Variants in RPS6KC1 observed in about 807,000 individuals in gnomAD.
RPS6KC1 encodes the protein ribosomal protein S6 kinase C1, also known as inactive ribosomal protein S6 kinase delta-1.
In RPS6KC1, 54 loss-of-function variants were observed where a neutral mutation model predicts 103.8. That is an observed-to-expected ratio of 0.52 (90% CI 0.42 to 0.65). RPS6KC1 has a LOEUF of 0.65. Among genes scored for constraint, RPS6KC1 ranks in the 30% least tolerant of loss-of-function variants. The pLI, the probability that RPS6KC1 is intolerant of heterozygous loss-of-function variation, is 0.00. For missense variants in RPS6KC1, 1,151 were observed against 1,253.8 expected, an observed-to-expected ratio of 0.92 and a Z score of 1.24; for synonymous variants, 439 against 438.7, an observed-to-expected ratio of 1.00 and a Z score of -0.01.
chr1:213,634,911 A>G, the RPS6KC1 span, among the ~76,000 whole-genome samples: 2 of 152,242 alleles, frequency 1.3e-5, no homozygotes, highest in East Asian at 3.9e-4. Context: ...GAAGAATCAA[A>G]TAGACACAAT....
the RPS6KC1 span, among the ~76,000 whole-genome samples, chr1:213,800,717 G>A: frequency 6.6e-6 from 1 of 152,134 alleles, no homozygotes. Flanking sequence ...CTCTTTCTTA[G>A]CAGACATTAA....
At chr1:213,103,658 A>G (rs1405686413) in intron 3 of RPS6KC1, among the ~76,000 whole-genome samples, 1 of 152,010 alleles carries the variant, frequency 6.6e-6, no homozygotes, top group African/African-American at 2.4e-5. Flanking sequence ...TTCTGTTAAT[A>G]CTCTGCAAAG....
At chr1:213,448,270 A>G in the RPS6KC1 span, among the ~76,000 whole-genome samples, 1 of 151,256 alleles carries the variant, frequency 6.6e-6, no homozygotes, top group Admixed American at 6.6e-5. Context: ...AAAAGAAACT[A>G]TTTGTGGTGG....
chr1:213,249,510 G>A (rs957780628), intron 12 of RPS6KC1, among the ~76,000 whole-genome samples: 44 of 152,260 alleles, frequency 2.9e-4, no homozygotes, highest in African/African-American at 1.0e-3. Context: ...GCCTAACACA[G>A]CAGCAGAGCG....
the RPS6KC1 span, among the ~76,000 whole-genome samples, chr1:213,603,638 T>A: frequency 3.4e-4 from 52 of 151,924 alleles, 1 homozygote; most frequent in South Asian, 0.01. Context: ...GGCAGGTGGA[T>A]CACTTGAGGT....
the RPS6KC1 span, among the ~76,000 whole-genome samples, chr1:213,615,597 G>A: frequency 6.6e-6 from 1 of 152,244 alleles, no homozygotes; most frequent in Non-Finnish European, 1.5e-5. Context: ...CAGGATGGAG[G>A]ATGAATGATT....
At chr1:213,445,329 T>C in the RPS6KC1 span, among the ~76,000 whole-genome samples, 8 of 152,272 alleles carry the variant, frequency 5.3e-5, no homozygotes, top group Non-Finnish European at 1.2e-4. Flanking sequence ...ATATTTTCAT[T>C]TCTCTTGGGT....
rs1558673288 is a variant in RPS6KC1, at chr1:213,272,525, T to C, written c.3092T>C (p.Leu1031Pro). 1 of 1,612,878 alleles carries C rather than the reference T, an allele frequency of 6.2e-7. No individual in the cohort carries two copies. Among genetic ancestry groups the C allele is most frequent in the Non-Finnish European group, 8.5e-7 (1 of 1,178,876 alleles). ...CTCACTAAGTCCGTCTTTTTTTAGC[T>C]CTTGCAGTTCAATCCTCTGGAACGA... ...SEEARSLIQQLLQFNPLERLG... is the reference protein window; with the variant it reads ...SEEARSLIQQPLQFNPLERLG... The change falls in exon 15 of 15, where the codon CTC becomes CCC. Residue 1031 changes from leucine (L) to proline (P), a missense_variant and splice_region_variant. By Grantham distance (98) the Leu-to-Pro change is moderately conservative (BLOSUM62 -3). Around this residue, in one of 3 missense-constraint regions of RPS6KC1, gnomAD observed 189 missense variants for 228.8 expected, o/e 0.83. Transcript: ENST00000366960.
At chr1:213,505,273 AG>A in the RPS6KC1 span, among the ~76,000 whole-genome samples, 13 of 152,142 alleles carry the variant, frequency 8.5e-5, no homozygotes, top group African/African-American at 3.1e-4. Flanking sequence ...GGGCAGAGGG[AG>A]GTGGGTAGGT....
chr1:213,475,778 T>C, the RPS6KC1 span, among the ~76,000 whole-genome samples: 1 of 152,324 alleles, frequency 6.6e-6, no homozygotes, highest in South Asian at 2.1e-4. Flanking sequence ...TGGCCATCTT[T>C]GGCCTCCATA....
the RPS6KC1 span, among the ~76,000 whole-genome samples, chr1:213,746,056 C>T: frequency 6.6e-6 from 1 of 152,172 alleles, no homozygotes; most frequent in Non-Finnish European, 1.5e-5. Flanking sequence ...AGGAGCTTAG[C>T]TTGCCTCAGT....
At chr1:213,343,422 T>TAC in the RPS6KC1 span, among the ~76,000 whole-genome samples, 1 of 50,656 alleles carries the variant, frequency 2.0e-5, no homozygotes, top group African/African-American at 5.2e-5. Flanking sequence ...TATATATATA[T>TAC]ATATATATAT....
chr1:213,471,909 G>T, the RPS6KC1 span, among the ~76,000 whole-genome samples: 1 of 152,120 alleles, frequency 6.6e-6, no homozygotes, highest in Non-Finnish European at 1.5e-5. Context: ...TTTTGACTTG[G>T]AGCTGAAAAG....
the RPS6KC1 span, among the ~76,000 whole-genome samples, chr1:213,675,289 C>A: frequency 2.4e-4 from 36 of 152,218 alleles, 1 homozygote; most frequent in African/African-American, 8.2e-4. Context: ...GGTTATCATT[C>A]TGTCTCCTAG....
At chr1:213,554,976 G>A in the RPS6KC1 span, among the ~76,000 whole-genome samples, 8 of 152,252 alleles carry the variant, frequency 5.3e-5, no homozygotes, top group Non-Finnish European at 1.5e-5. Context: ...TATGATACAA[G>A]GATAGAATTT....
At chr1:213,702,767 T>A in the RPS6KC1 span, among the ~76,000 whole-genome samples, 22,946 of 151,910 alleles carry the variant, frequency 0.15, 2,111 homozygotes, top group Middle Eastern at 0.27. Flanking sequence ...CATAAAATAT[T>A]TTTTCCCATC....
the RPS6KC1 span, among the ~76,000 whole-genome samples, chr1:213,439,660 G>T: frequency 6.6e-6 from 1 of 152,158 alleles, no homozygotes; most frequent in African/African-American, 2.4e-5. Flanking sequence ...CAGCAAGCTT[G>T]GCAAGGAAAT....
chr1:213,854,558 T>TTC, the RPS6KC1 span, among the ~76,000 whole-genome samples: 1 of 111,590 alleles, frequency 9.0e-6, no homozygotes, highest in Admixed American at 8.6e-5. Flanking sequence ...CTTTCTTTCT[T>TTC]TCTTTCTCTC....
intron 1 of RPS6KC1, among the ~76,000 whole-genome samples, chr1:213,062,802 C>G (rs1235324207): frequency 6.6e-6 from 1 of 152,124 alleles, no homozygotes; most frequent in Non-Finnish European, 1.5e-5. Context: ...ATCCGCCAGC[C>G]TCGGCCTCCC....
Sources: allele counts gnomAD v4.1 joint callset (sites outside exome capture counted in the v4.1 genomes callset), GRCh38; gene constraint gnomAD v4.1.1; regional missense constraint gnomAD v4.1.1; transcripts MANE v1.5; gene names NCBI Gene and HGNC (gene_info 2026-07-23, HGNC 2026-07-21).